The following REEP5 variants were observed in gnomAD, a reference collection of about 807,000 sequenced individuals.
The protein encoded by REEP5 is receptor expression-enhancing protein 5.
A neutral mutation model predicts 22.4 loss-of-function variants in REEP5; 24 were observed. The observed-to-expected ratio is 1.07, with a 90% CI of 0.78 to 1.51. REEP5 has a LOEUF of 1.51. Among genes scored for constraint, REEP5 ranks in the 40% most tolerant of loss-of-function variants. The pLI is 0.00. For synonymous variants in REEP5, 103 were observed against 88.6 expected (o/e 1.16, Z -0.92); for missense variants, 252 against 233.0 (o/e 1.08, Z -0.53).
rs148266473 is a variant in REEP5, at chr5:112,887,058, A to G, written c.477T>C (p.Leu159=). The G allele has an allele frequency of 7.4e-6, 12 of 1,613,044 alleles. No individual in the cohort carries two copies. The African/African-American group carries it at 1.3e-4, about 18-fold the overall frequency. Residue 159 remains leucine (L), a synonymous_variant, in exon 4 of 5, where the codon CTT becomes CTC. Coordinates refer to ENST00000379638, the MANE Select transcript of REEP5 (RefSeq NM_005669.5). ...ESQMDSVVKD[L]KDKAKETADA... is the part of the protein sequence containing the mutation. ...CTGCAGTCTCTTTGGCCTTGTCTTT[A>G]AGGTCCTTGACCACACTGTCCATCT...
At chr5:112,904,030 C>T (rs1250451142) in intron 2 of REEP5, among the ~76,000 whole-genome samples, 2 of 152,194 alleles carry the variant, frequency 1.3e-5, no homozygotes, top group African/African-American at 4.8e-5. Flanking sequence ...CAAGGTCTCA[C>T]TGTGTTGCCC....
chr5:112,901,985 A>T (rs1251867149), intron 3 of REEP5, among the ~76,000 whole-genome samples: 7 of 151,126 alleles, frequency 4.6e-5, no homozygotes, highest in South Asian at 4.2e-4. Flanking sequence ...AAAAAAAAAA[A>T]GGCTAAGACC....
At chr5:112,912,432 AAAATAT>A (rs1769125216) in intron 2 of REEP5, among the ~76,000 whole-genome samples, 1 of 152,334 alleles carries the variant, frequency 6.6e-6, no homozygotes, top group Admixed American at 6.5e-5. Context: ...GCAGTTCATT[AAAATAT>A]ATCTATATAT....
In REEP5 at chr5:112,905,551, C is replaced by A. The variant is rs1472798395; in HGVS notation, c.213-3033G>T. On this transcript the variant is annotated intron_variant, in intron 2 of 4. Coordinates refer to ENST00000379638, the MANE Select transcript of REEP5 (RefSeq NM_005669.5). ...GCAAGACTCGGTCTCAAAAAAAAAACAAAACAAAAAAAAAACAAACTTGAG... is the reference window on the plus strand; with the variant it reads ...GCAAGACTCGGTCTCAAAAAAAAAAAAAAACAAAAAAAAAACAAACTTGAG... Among the ~76,000 whole-genome samples, 186 of 139,890 alleles carry A rather than the reference C, an allele frequency of 1.3e-3. 1 individual carries two copies. The highest frequency in any genetic ancestry group is 4.3e-3 in the African/African-American group (160 of 37,116). The allele number at this position is 139,890 out of a possible 152,430, so 91.8% of individuals were successfully genotyped here.
chr5:112,907,976 T>C (rs1309981108), intron 2 of REEP5, among the ~76,000 whole-genome samples: 1 of 151,984 alleles, frequency 6.6e-6, no homozygotes, highest in Non-Finnish European at 1.5e-5. Context: ...AAGTTAATCC[T>C]GAATAACAGA....
In REEP5 at chr5:112,878,695, T is replaced by C; in HGVS notation, c.*91A>G. Reference sequence around the variant, plus strand: ...TCTCAAAAATGTTTCCAAGGCAACATTATTAAAATAATTATACCACAGTCC... The same window carrying C: ...TCTCAAAAATGTTTCCAAGGCAACACTATTAAAATAATTATACCACAGTCC... On this transcript the variant is annotated 3_prime_UTR_variant, in exon 5 of 5. Transcript: ENST00000379638. 6.5e-7 allele frequency: 1 copy of C among 1,529,108 alleles called. No individual in the cohort carries two copies. The highest frequency in any genetic ancestry group is 8.9e-7 in the Non-Finnish European group (1 of 1,127,628). The allele number at this position is 1,529,108 out of a possible 1,614,324, so 94.7% of individuals were successfully genotyped here.
chr5:112,902,664 T>G (rs1768877758), intron 2 of REEP5, 146 bp from the exon 3 acceptor site: 8 of 647,210 alleles, frequency 1.2e-5, no homozygotes, highest in Non-Finnish European at 2.0e-5. Flanking sequence ...GAGTACAGCT[T>G]AAAGACTGGA....
chr5:112,905,618 A>AGACT (rs1554094393), intron 2 of REEP5, among the ~76,000 whole-genome samples: 3 of 148,258 alleles, frequency 2.0e-5, no homozygotes, highest in Admixed American at 6.7e-5. Flanking sequence ...CTTTTTAAAA[A>AGACT]GATTGATTGA....
chr5:112,902,325 A>C lies in REEP5; in HGVS notation c.351+55T>G, dbSNP rs549143579. 5.1e-5 allele frequency: 77 copies of C among 1,504,884 alleles called. No homozygotes were observed. In the African/African-American group the frequency reaches 9.8e-4, roughly 19 times the overall value. 93.2% of individuals were successfully genotyped at this position (1,504,884 alleles called of 1,614,324 possible). A position where few individuals can be genotyped will look rare whatever the true frequency, so the allele number is the denominator to read the frequency against. On this transcript the variant is annotated intron_variant, in intron 3 of 4. Transcript: ENST00000379638. Reference sequence around the variant, plus strand: ...GCACAACATTCAAGCATTTATTCCTACTTCTTCTATACAGGTACTGAGATG... The same window carrying C: ...GCACAACATTCAAGCATTTATTCCTCCTTCTTCTATACAGGTACTGAGATG...
chr5:112,907,396 C>G (rs1768978811), intron 2 of REEP5, among the ~76,000 whole-genome samples: 1 of 152,212 alleles, frequency 6.6e-6, no homozygotes. Context: ...TGTTCTAAAG[C>G]CTGGCCGCCT....
At chr5:112,916,623 G>C (rs2150048523) in intron 2 of REEP5, among the ~76,000 whole-genome samples, 1 of 152,260 alleles carries the variant, frequency 6.6e-6, no homozygotes, top group Middle Eastern at 3.4e-3. Context: ...AGGGTCAACT[G>C]TTTTTTTGAA....
intron 2 of REEP5, among the ~76,000 whole-genome samples, chr5:112,919,764 G>C (rs1028780816): frequency 3.9e-5 from 6 of 152,076 alleles, no homozygotes; most frequent in African/African-American, 1.4e-4. Flanking sequence ...CCAGCCTCCA[G>C]AACTGTGAGC....
At chr5:112,902,088 A>G (rs535609066) in intron 3 of REEP5, among the ~76,000 whole-genome samples, 49 of 152,098 alleles carry the variant, frequency 3.2e-4, no homozygotes, top group African/African-American at 9.4e-4. Flanking sequence ...GGAGCTTCCT[A>G]TATTTAATTT....
chr5:112,914,951 G>T (rs948492373), intron 2 of REEP5, among the ~76,000 whole-genome samples: 3 of 152,154 alleles, frequency 2.0e-5, no homozygotes, highest in Non-Finnish European at 4.4e-5. Context: ...TCACAATTTT[G>T]AAATTGTTTT....
At chr5:112,898,228 TCTC>T (rs1768752055) in intron 3 of REEP5, 1 of 152,238 alleles carries the variant, frequency 6.6e-6, no homozygotes, top group South Asian at 2.1e-4. Flanking sequence ...AGAGGCCTCT[TCTC>T]AGTCTGTTCA....
In REEP5 at chr5:112,902,423, GAGA is replaced by G. The variant is rs889130304; in HGVS notation, c.305_307del (p.Phe102del). 1.2e-6 allele frequency: 2 copies of G among 1,613,106 alleles called. No homozygotes were observed. The highest frequency in any genetic ancestry group is 1.7e-6 in the Non-Finnish European group (2 of 1,179,772). ...GGGGAACCATGACAGGAAGATATCA[GAGA>G]AGAATTCAGCAATGCTGAACACACC... On this transcript the variant is annotated inframe_deletion, in exon 3 of 5. Coordinates refer to ENST00000379638, the MANE Select transcript of REEP5 (RefSeq NM_005669.5).
At chr5:112,894,530 T>C (rs1768619403) in intron 3 of REEP5, 1 of 152,242 alleles carries the variant, frequency 6.6e-6, no homozygotes, top group Admixed American at 6.5e-5. Context: ...AGGAAATGTC[T>C]TGAGTAACAT....
intron 3 of REEP5, chr5:112,892,004 AAGAG>A (rs563712600): frequency 1.8e-5 from 23 of 1,273,614 alleles, no homozygotes; most frequent in South Asian, 2.4e-5. Flanking sequence ...CAGCAGAGGA[AAGAG>A]AGAGAAGAGG....
At chr5:112,881,267 G>T (rs1379741870) in intron 4 of REEP5, among the ~76,000 whole-genome samples, 1 of 152,164 alleles carries the variant, frequency 6.6e-6, no homozygotes, top group East Asian at 1.9e-4. Context: ...AGAGAGGTCT[G>T]TGAGGGAGAA....
Sources: gnomAD v4.1 joint callset for allele counts (sites outside exome capture counted in the v4.1 genomes callset) on GRCh38, gnomAD v4.1.1 for gene constraint, MANE v1.5 for transcripts, NCBI Gene and HGNC (gene_info 2026-07-23, HGNC 2026-07-21) for gene names.